KIAA1217: variants seen among roughly 807,000 people sequenced by gnomAD.
KIAA1217 encodes sickle tail protein homolog.
KIAA1217 carries 88 observed loss-of-function variants against 163.9 expected under a neutral mutation model. The observed-to-expected ratio is 0.54, with a 90% CI of 0.45 to 0.64. The LOEUF (loss-of-function observed/expected upper bound fraction) is 0.64. Among genes scored for constraint, KIAA1217 ranks in the 30% least tolerant of loss-of-function variants. KIAA1217 has a pLI of 0.00. For synonymous variants in KIAA1217, 903 were observed against 923.1 expected, an observed-to-expected ratio of 0.98 and a Z score of 0.39; for missense variants, 2,372 against 2,475.0, an observed-to-expected ratio of 0.96 and a Z score of 0.88.
At chr10:23,765,255 C>T (rs2130866440) in intron 1 of KIAA1217, among the ~76,000 whole-genome samples, 2 of 125,294 alleles carry the variant, frequency 1.6e-5, no homozygotes, top group South Asian at 2.5e-4. Context: ...AGTGCAGTGG[C>T]GCGATCTCCG....
At chr10:23,710,034 T>G (rs1230398786) in intron 1 of KIAA1217, among the ~76,000 whole-genome samples, 1 of 152,216 alleles carries the variant, frequency 6.6e-6, no homozygotes. Flanking sequence ...TTACTTACTT[T>G]CATATTCCAG....
intron 2 of KIAA1217, among the ~76,000 whole-genome samples, chr10:24,150,075 T>C (rs541989644): frequency 2.6e-5 from 4 of 152,290 alleles, no homozygotes; most frequent in Admixed American, 6.5e-5. Flanking sequence ...TAGAGTGCAA[T>C]GGCGCGATCT....
At chr10:23,911,507 T>C (rs1440214762) in intron 1 of KIAA1217, among the ~76,000 whole-genome samples, 4 of 152,242 alleles carry the variant, frequency 2.6e-5, no homozygotes, top group African/African-American at 9.6e-5. Flanking sequence ...TATGTATGTG[T>C]GTGTGTGCAC....
At chr10:23,740,949 C>A (rs1335187263) in intron 1 of KIAA1217, among the ~76,000 whole-genome samples, 3 of 152,044 alleles carry the variant, frequency 2.0e-5, no homozygotes, top group African/African-American at 7.2e-5. Flanking sequence ...CAACAAAAAA[C>A]AGGAACAATA....
At chr10:24,520,639 A>ATATAT (rs1564847996) in intron 11 of KIAA1217, among the ~76,000 whole-genome samples, 3 of 56,654 alleles carry the variant, frequency 5.3e-5, no homozygotes, top group African/African-American at 2.4e-4. Flanking sequence ...AAAAAAAAAA[A>ATATAT]AAAAAAAAAA....
chr10:24,430,919 G>T (rs1157549078), intron 3 of KIAA1217, among the ~76,000 whole-genome samples: 3 of 152,206 alleles, frequency 2.0e-5, no homozygotes, highest in East Asian at 1.9e-4. Context: ...GAAGGCTGGG[G>T]ACCTTTGTGC....
chr10:24,098,024 T>C (rs1207602344), intron 2 of KIAA1217, among the ~76,000 whole-genome samples: 1 of 151,950 alleles, frequency 6.6e-6, no homozygotes, highest in Non-Finnish European at 1.5e-5. Context: ...CTGCCGCTGA[T>C]CTTTGGCAGA....
In KIAA1217 at chr10:24,543,140, A is replaced by G; in HGVS notation, c.3870A>G (p.Gln1290=). 6.2e-7 allele frequency: 1 copy of G among 1,613,450 alleles called. No homozygotes were observed. The highest frequency in any genetic ancestry group is 8.5e-7 in the Non-Finnish European group (1 of 1,179,986). The change falls in exon 19 of 21, where the codon CAA becomes CAG. Residue 1290 remains glutamine (Q), a synonymous_variant. Transcript: ENST00000376454. ...INKGSKISGL[Q]YSIPDTENQT... ...AAGGGTCTAAAATCTCAGGCCTGCA[A>G]TACTCTATACCTGACACCGAGAACC...
chr10:24,204,313 G>T (rs2130544385), upstream of KIAA1217, among the ~76,000 whole-genome samples: 1 of 152,256 alleles, frequency 6.6e-6, no homozygotes, highest in East Asian at 1.9e-4. Context: ...AGGTTACCTG[G>T]TGAAATTGTT....
In KIAA1217 at chr10:24,524,624, C is replaced by A. The variant is rs1381214173; in HGVS notation, c.2758C>A (p.Pro920Thr). 1.9e-6 allele frequency: 3 copies of A among 1,613,992 alleles called. No individual in the cohort carries two copies. The African/African-American group carries it at 4.0e-5, about 22-fold the overall frequency. ...LPHVASSPAV[P>T]QEATSTLQMS... ...TCACGTGGCCAGCTCCCCAGCCGTCCCCCAGGAAGCAACCTCCACTCTGCA... is the reference window on the plus strand; with the variant it reads ...TCACGTGGCCAGCTCCCCAGCCGTCACCCAGGAAGCAACCTCCACTCTGCA... Residue 920 changes from proline (P) to threonine (T), a missense_variant, in exon 13 of 21, where the codon CCC becomes ACC. Physicochemically the swap from Pro to Thr is conservative, Grantham distance 38. Transcript: ENST00000376454.
At chr10:24,068,128 A>G (rs937066820) in intron 2 of KIAA1217, among the ~76,000 whole-genome samples, 2 of 152,188 alleles carry the variant, frequency 1.3e-5, no homozygotes, top group Admixed American at 6.5e-5. Flanking sequence ...CCGCTCATGC[A>G]TGGTGCACTG....
intron 2 of KIAA1217, chr10:24,255,258 G>T: frequency 3.6e-6 from 1 of 280,326 alleles, no homozygotes. Context: ...TCCACATCCG[G>T]ATTTACCTAA....
intron 1 of KIAA1217, among the ~76,000 whole-genome samples, chr10:23,784,554 CCTTT>C (rs1228970133): frequency 1.3e-5 from 2 of 151,734 alleles, no homozygotes; most frequent in African/African-American, 4.8e-5. Flanking sequence ...TTGCTGTCTT[CCTTT>C]GTGACTGGAT....
chr10:24,102,797 G>A (rs866040762), intron 2 of KIAA1217, among the ~76,000 whole-genome samples: 2 of 152,204 alleles, frequency 1.3e-5, no homozygotes, highest in Non-Finnish European at 1.5e-5. Flanking sequence ...TACAATGGGT[G>A]ATATGTTTGG....
intron 1 of KIAA1217, among the ~76,000 whole-genome samples, chr10:23,824,658 A>ATTATATATATATATATATATAT (rs1379535101): frequency 1.9e-5 from 1 of 53,040 alleles, no homozygotes; most frequent in African/African-American, 6.5e-5. Flanking sequence ...AAATAAAAAA[A>ATTATATATATATATATATATAT]ATATATATAT....
Position 24,175,558 on chromosome 10 carries a change from T to C in KIAA1217, c.-170-44068T>C, listed in dbSNP as rs187047809. On this transcript the variant is annotated intron_variant, in intron 2 of 18. Transcript: ENST00000376462. Reference sequence around the variant, plus strand: ...CAAATGCCATTCATTCATTCTTTTTTTGAGTAGTATTCCATTGTGTACGGA... The same window carrying C: ...CAAATGCCATTCATTCATTCTTTTTCTGAGTAGTATTCCATTGTGTACGGA... Among the ~76,000 whole-genome samples the C allele has an allele frequency of 9.3e-4, 142 of 152,278 alleles. 1 individual carries two copies. Among genetic ancestry groups the C allele is most frequent in the African/African-American group, 3.3e-3 (136 of 41,548 alleles).
intron 2 of KIAA1217, among the ~76,000 whole-genome samples, chr10:24,345,960 T>A (rs776040712): frequency 2.6e-5 from 4 of 152,170 alleles, no homozygotes; most frequent in Non-Finnish European, 5.9e-5. Context: ...ACAACAGCTC[T>A]CCATCCCCGC....
chr10:24,021,303 C>T (rs190465969), intron 2 of KIAA1217, among the ~76,000 whole-genome samples: 32 of 151,930 alleles, frequency 2.1e-4, no homozygotes, highest in African/African-American at 7.2e-4. Context: ...TTTCTGTATA[C>T]CAGCAATCAA....
rs188837355 is a variant in KIAA1217 at position 24,388,252 on chromosome 10, A to G, written c.553+7185A>G. Among the ~76,000 whole-genome samples the G allele has an allele frequency of 7.6e-3, 1,152 of 152,330 alleles. 15 individuals are homozygous for G. The highest frequency in any genetic ancestry group is 0.027 in the African/African-American group (1,107 of 41,574). ...ACAGAGCCCTCAGAAATAATACCAC[A>G]CATCTACAACTGTCTGATCTTTGAC... On this transcript the variant is annotated intron_variant, in intron 3 of 20. Coordinates refer to ENST00000376454, the MANE Select transcript of KIAA1217 (RefSeq NM_019590.5).
Sources: gnomAD v4.1 joint callset for allele counts (sites outside exome capture counted in the v4.1 genomes callset) on GRCh38, gnomAD v4.1.1 for gene constraint, MANE v1.5 for transcripts, NCBI Gene and HGNC (gene_info 2026-07-23, HGNC 2026-07-21) for gene names.